ACTR3C: variants seen among roughly 807,000 people sequenced by gnomAD.
ACTR3C encodes the protein actin-related protein 3C.
Under a neutral mutation model 26.3 loss-of-function variants are expected in ACTR3C, and 18 were observed. The observed-to-expected ratio is 0.68, with a 90% CI of 0.47 to 1.01. ACTR3C has a LOEUF of 1.01. Ranked by LOEUF, ACTR3C falls within the 50% of genes least tolerant of loss-of-function variation. The pLI is 0.00. For missense variants in ACTR3C, 184 were observed against 250.7 expected, an observed-to-expected ratio of 0.73 and a Z score of 1.80; for synonymous variants, 55 against 94.5, an observed-to-expected ratio of 0.58 and a Z score of 2.42.
chr7:149,997,397 A>G, the ACTR3C span, among the ~76,000 whole-genome samples: 1 of 151,620 alleles, frequency 6.6e-6, no homozygotes, highest in Non-Finnish European at 1.5e-5. Flanking sequence ...AATAATTTTT[A>G]CTGATTCATT....
the ACTR3C span, among the ~76,000 whole-genome samples, chr7:149,961,871 C>T: frequency 2.8e-4 from 43 of 151,838 alleles, no homozygotes; most frequent in South Asian, 6.2e-4. Flanking sequence ...GAAGTATGGG[C>T]TCACAGGAGG....
chr7:150,010,139 A>G, the ACTR3C span, among the ~76,000 whole-genome samples: 1 of 152,168 alleles, frequency 6.6e-6, no homozygotes, highest in African/African-American at 2.4e-5. Context: ...CAGCCCCGTG[A>G]CACTCCCTCC....
At chr7:149,976,575 GA>G in the ACTR3C span, among the ~76,000 whole-genome samples, 2,670 of 110,012 alleles carry the variant, frequency 0.024, 73 homozygotes, top group African/African-American at 0.079. Context: ...CTCTGTCTCA[GA>G]AAAAAAAAAA....
the ACTR3C span, among the ~76,000 whole-genome samples, chr7:149,979,885 G>T: frequency 6.7e-6 from 1 of 148,754 alleles, no homozygotes; most frequent in Non-Finnish European, 1.5e-5. Context: ...GGAGGATCTT[G>T]GGGAGTCCTA....
At chr7:149,914,512 G>A in the ACTR3C span, among the ~76,000 whole-genome samples, 1 of 151,516 alleles carries the variant, frequency 6.6e-6, no homozygotes, top group Non-Finnish European at 1.5e-5. Context: ...AGAATCGCGT[G>A]AGCCCTGGCG....
chr7:150,128,991 C>T, the ACTR3C span, among the ~76,000 whole-genome samples: 8 of 150,234 alleles, frequency 5.3e-5, no homozygotes, highest in African/African-American at 9.8e-5. Flanking sequence ...TCCAGGAGTT[C>T]GGTAAAGCTA....
At chr7:150,319,132 G>T (rs1288750018) in intron 1 of ACTR3C, among the ~76,000 whole-genome samples, 1 of 152,120 alleles carries the variant, frequency 6.6e-6, no homozygotes, top group Non-Finnish European at 1.5e-5. Context: ...ACACTCTACT[G>T]GGAAAATCCC....
chr7:150,315,493 T>G (rs1796775037), intron 1 of ACTR3C, among the ~76,000 whole-genome samples: 1 of 152,156 alleles, frequency 6.6e-6, no homozygotes. Context: ...ATGCTCAGGA[T>G]GGAAGAAGTA....
chr7:149,970,315 C>T, the ACTR3C span, among the ~76,000 whole-genome samples: 117,874 of 142,448 alleles, frequency 0.83, 51,222 homozygotes, highest in Non-Finnish European at 0.97. Flanking sequence ...GGTTTCGAAT[C>T]GTGATGCTCG....
the ACTR3C span, among the ~76,000 whole-genome samples, chr7:150,181,410 C>T: frequency 6.6e-6 from 1 of 150,410 alleles, no homozygotes; most frequent in East Asian, 1.9e-4. Context: ...TAGCTAGAGC[C>T]CATCTCTAAA....
chr7:150,156,571 G>A, the ACTR3C span, among the ~76,000 whole-genome samples: 1 of 151,590 alleles, frequency 6.6e-6, no homozygotes, highest in Non-Finnish European at 1.5e-5. Context: ...GAGAGAGAGA[G>A]GAGAAAGAGA....
At chr7:150,259,117 A>G (rs575262723) in intron 6 of ACTR3C, among the ~76,000 whole-genome samples, 1 of 152,054 alleles carries the variant, frequency 6.6e-6, no homozygotes, top group East Asian at 1.9e-4. Context: ...AGCCTTCCCC[A>G]GATCCTACTT....
chr7:149,985,066 T>G, the ACTR3C span, among the ~76,000 whole-genome samples: 6 of 152,302 alleles, frequency 3.9e-5, no homozygotes, highest in Admixed American at 6.5e-5. Context: ...TAAGAGTTAG[T>G]CATATCCTCC....
At chr7:150,269,608 A>C (rs1584882380) in intron 6 of ACTR3C, among the ~76,000 whole-genome samples, 1 of 126,586 alleles carries the variant, frequency 7.9e-6, no homozygotes, top group Non-Finnish European at 1.6e-5. Context: ...CCAGGTCTAC[A>C]CCCGGTCCGT....
chr7:150,320,521 G>C (rs1403097402), intron 1 of ACTR3C, among the ~76,000 whole-genome samples: 1 of 152,194 alleles, frequency 6.6e-6, no homozygotes. Context: ...CCAGCACTTC[G>C]GGAGGCTGAG....
chr7:150,284,713 G>C (rs776792146), intron 6 of ACTR3C, 40 bp downstream of exon 6: 1 of 1,505,822 alleles, frequency 6.6e-7, no homozygotes, highest in Admixed American at 2.1e-5. Context: ...GCCTTTAATT[G>C]TGGAATGAAA....
chr7:150,134,729 C>T, the ACTR3C span, among the ~76,000 whole-genome samples: 3 of 152,406 alleles, frequency 2.0e-5, no homozygotes, highest in South Asian at 2.1e-4. Context: ...TCTGTCACTA[C>T]GTCAGGATGA....
chr7:150,295,408 C>T (rs1836659635), intron 1 of ACTR3C, 61 bp from the exon 2 acceptor site: 2 of 1,537,106 alleles, frequency 1.3e-6, no homozygotes, highest in Non-Finnish European at 9.0e-7. Context: ...TACATCAGAA[C>T]CATAAACAGG....
At chr7:150,163,121 T>C in the ACTR3C span, among the ~76,000 whole-genome samples, 1 of 149,956 alleles carries the variant, frequency 6.7e-6, no homozygotes, top group African/African-American at 2.5e-5. Context: ...ACCACTGCAC[T>C]CCAGCCTGAG....
Sources: allele counts gnomAD v4.1 joint callset (sites outside exome capture counted in the v4.1 genomes callset), GRCh38; gene constraint gnomAD v4.1.1; transcripts MANE v1.5; gene names NCBI Gene and HGNC (gene_info 2026-07-23, HGNC 2026-07-21).